Variants in DLG5 observed in about 807,000 individuals in gnomAD.
The protein encoded by DLG5 is disks large homolog 5.
Under a neutral mutation model 189.8 loss-of-function variants are expected in DLG5, and 48 were observed. That is an observed-to-expected ratio of 0.25 (90% CI 0.20 to 0.32). The LOEUF is 0.32. Ranked by LOEUF, DLG5 falls within the 10% of genes least tolerant of loss-of-function variation. The pLI is 1.00. For missense variants in DLG5, 2,160 were observed against 2,544.7 expected (o/e 0.85, Z 3.25); for synonymous variants, 1,016 against 1,054.1 (o/e 0.96, Z 0.70).
At chr10:77,885,856 G>T (rs1165458652) in intron 1 of DLG5, among the ~76,000 whole-genome samples, 4 of 152,214 alleles carry the variant, frequency 2.6e-5, no homozygotes, top group African/African-American at 9.6e-5. Context: ...CAGCAAGCTG[G>T]TGCCAGTGCC....
intron 1 of DLG5, among the ~76,000 whole-genome samples, chr10:77,874,177 T>C (rs576640871): frequency 2.0e-5 from 3 of 152,212 alleles, no homozygotes; most frequent in Non-Finnish European, 4.4e-5. Context: ...TCATCTGCTG[T>C]GAGTAGCCTT....
intron 1 of DLG5, among the ~76,000 whole-genome samples, chr10:77,889,750 G>A (rs1845552012): frequency 6.6e-6 from 1 of 152,178 alleles, no homozygotes; most frequent in Admixed American, 6.5e-5. Flanking sequence ...ACATTGGAGG[G>A]CAAGAAAAGA....
chr10:77,936,441 C>CAAAAA, the DLG5 span, among the ~76,000 whole-genome samples: 18 of 87,816 alleles, frequency 2.0e-4, no homozygotes, highest in East Asian at 3.7e-4. Flanking sequence ...CGTCTCAAAA[C>CAAAAA]AAAACAAAAA....
intron 9 of DLG5, among the ~76,000 whole-genome samples, chr10:77,832,594 G>A (rs1842935701): frequency 6.6e-6 from 1 of 152,324 alleles, no homozygotes; most frequent in South Asian, 2.1e-4. Context: ...CATTACCAGG[G>A]AGTGCCTGAG....
chr10:77,801,273 A>G (rs868831624), intron 27 of DLG5, among the ~76,000 whole-genome samples: 26 of 152,344 alleles, frequency 1.7e-4, no homozygotes, highest in Middle Eastern at 3.4e-3. Flanking sequence ...CCTGGTAAAA[A>G]AGAACCAAGT....
Position 77,794,153 on chromosome 10 carries a change from G to A in DLG5, c.5547-36C>T, listed in dbSNP as rs376229772. 3.2e-5 allele frequency: 50 copies of A among 1,578,630 alleles called. No homozygotes were observed. In the African/African-American group the frequency reaches 6.2e-4, roughly 20 times the overall value. ...AGCCAGACACCAGGCTGAGCACTGA[G>A]CCTCCTCCAGGCCCTCTTTCCTTCC... is the stretch of plus-strand genomic sequence containing the variant. On this transcript the variant is annotated intron_variant, in intron 30 of 31. Coordinates refer to ENST00000372391, the MANE Select transcript of DLG5 (RefSeq NM_004747.4).
At chr10:77,810,309 C>T (rs1841697630) in intron 23 of DLG5, among the ~76,000 whole-genome samples, 1 of 152,152 alleles carries the variant, frequency 6.6e-6, no homozygotes, top group African/African-American at 2.4e-5. Context: ...GATGCCAGCC[C>T]GGGAGGAAAA....
At chr10:77,930,160 T>G (rs554455644), upstream of DLG5, among the ~76,000 whole-genome samples, 8 of 152,110 alleles carry the variant, frequency 5.3e-5, no homozygotes, top group Non-Finnish European at 1.2e-4. Flanking sequence ...GGGCTCCTTC[T>G]CATTTGTCAA....
rs371961747 is a variant in DLG5, at chr10:77,909,298, T to C, written c.304+16919A>G. Among the ~76,000 whole-genome samples the C allele has an allele frequency of 1.6e-4, 25 of 151,624 alleles. 4 individuals are homozygous for C. The highest frequency in any genetic ancestry group is 9.7e-4 in the East Asian group (5 of 5,140). ...GCATGTTCTCACTCCTAAGTGAGAG[T>C]TGAACAATGAGAACACATGGACACA... is the stretch of plus-strand genomic sequence containing the variant. On this transcript the variant is annotated intron_variant, in intron 1 of 31. Coordinates refer to ENST00000372391, the MANE Select transcript of DLG5 (RefSeq NM_004747.4).
chr10:77,926,482 C>A lies in DLG5; in HGVS notation c.39G>T (p.Gln13His). ...PQRRELLAQC[Q>H]QSLAQAMTEV... ...CCGTCATGGCCTGGGCCAGGCTCTG[C>A]TGACACTGGGCGAGCAGCTCCCGGC... The change falls in exon 1 of 32, where the codon CAG becomes CAT. Residue 13 changes from glutamine (Q) to histidine (H), a missense_variant. This residue lies in a region of DLG5 where 664 missense variants were observed against 838.5 expected (regional missense o/e 0.79). Coordinates refer to ENST00000372391, the MANE Select transcript of DLG5 (RefSeq NM_004747.4). This position sits in a 1 kb window ranked among gnomAD's most constrained non-coding sequence, Gnocchi z 5.2. The A allele has an allele frequency of 6.8e-7, 1 of 1,467,124 alleles. No individual in the cohort carries two copies. Among genetic ancestry groups the A allele is most frequent in the Non-Finnish European group, 9.0e-7 (1 of 1,105,498 alleles). The allele number at this position is 1,467,124 out of a possible 1,614,324, so 90.9% of individuals were successfully genotyped here.
At position 77,869,298 on chromosome 10, in the gene DLG5, T is replaced by C. The variant is rs985700721; in HGVS notation, c.305-101A>G. 1.6e-5 allele frequency: 17 copies of C among 1,089,558 alleles called. No individual in the cohort carries two copies. The South Asian group carries it at 1.8e-4, about 12-fold the overall frequency. 67.5% of individuals were successfully genotyped at this position (1,089,558 alleles called of 1,614,324 possible). On this transcript the variant is annotated intron_variant, in intron 1 of 31. Coordinates refer to ENST00000372391, the MANE Select transcript of DLG5 (RefSeq NM_004747.4). ...TCAATGCCAGGCCATGAGAGCTACA[T>C]GCACCAGGCACTAGAAATCCACATC...
intron 31 of DLG5, chr10:77,792,897 A>G (rs974353023): frequency 5.2e-5 from 15 of 289,724 alleles, no homozygotes; most frequent in African/African-American, 3.3e-4. Context: ...AAGGAGCCAG[A>G]TAGCTCATGG....
At chr10:77,915,213 G>A (rs1846324649) in intron 1 of DLG5, among the ~76,000 whole-genome samples, 1 of 151,988 alleles carries the variant, frequency 6.6e-6, no homozygotes, top group Non-Finnish European at 1.5e-5. Flanking sequence ...TGTAATCCCA[G>A]CTACTTGGTA....
chr10:77,866,993 G>A (rs761778674), intron 2 of DLG5: 6 of 457,150 alleles, frequency 1.3e-5, no homozygotes. Context: ...AGACAGTACA[G>A]ACCCATCCTG....
chr10:77,882,759 C>CAA (rs11402456), intron 1 of DLG5, among the ~76,000 whole-genome samples: 11,638 of 143,076 alleles, frequency 0.081, 694 homozygotes, highest in East Asian at 0.25. Flanking sequence ...TAAAAAAATA[C>CAA]AAAAAAAAAA....
intron 5 of DLG5, chr10:77,845,296 G>C (rs546694153): frequency 6.6e-6 from 1 of 152,340 alleles, no homozygotes; most frequent in Admixed American, 6.5e-5. Flanking sequence ...GCTAGACCAG[G>C]AAAGCTTGTC....
chr10:77,938,193 C>T, the DLG5 span, among the ~76,000 whole-genome samples: 3 of 151,898 alleles, frequency 2.0e-5, no homozygotes, highest in Non-Finnish European at 4.4e-5. Flanking sequence ...CCTGTAATCG[C>T]AACACTTTGG....
intron 1 of DLG5, among the ~76,000 whole-genome samples, chr10:77,890,943 C>T (rs139808134): frequency 1.7e-4 from 26 of 152,322 alleles, no homozygotes; most frequent in Middle Eastern, 3.4e-3. Context: ...CCTTCTACCA[C>T]CCACACTTCT....
chr10:77,823,938 A>G (rs576761145), intron 14 of DLG5, among the ~76,000 whole-genome samples: 1 of 152,198 alleles, frequency 6.6e-6, no homozygotes, highest in South Asian at 2.1e-4. Context: ...TTTTCTGTAG[A>G]GGCAAGGTCT....
Sources: gnomAD v4.1 joint callset for allele counts (sites outside exome capture counted in the v4.1 genomes callset) on GRCh38, gnomAD v4.1.1 for gene constraint, gnomAD v4.1.1 regional missense constraint, Gnocchi (gnomAD v3.1) non-coding constraint, MANE v1.5 for transcripts, NCBI Gene and HGNC (gene_info 2026-07-23, HGNC 2026-07-21) for gene names.